Variants in PDE3A observed in about 807,000 individuals in gnomAD.
PDE3A encodes the protein phosphodiesterase 3A.
PDE3A carries 43 observed loss-of-function variants against 98.3 expected under a neutral mutation model. The ratio of observed to expected loss-of-function variants is 0.44; its 90% CI spans 0.34 to 0.56. The LOEUF is 0.56. Ranked by LOEUF, PDE3A falls within the 20% of genes least tolerant of loss-of-function variation. PDE3A has a pLI of 0.01. For missense variants in PDE3A, 1,427 were observed against 1,440.7 expected (o/e 0.99, Z 0.15); for synonymous variants, 663 against 567.9 (o/e 1.17, Z -2.38).
At chr12:20,488,620 C>T (rs1455890992) in intron 1 of PDE3A, among the ~76,000 whole-genome samples, 1 of 151,964 alleles carries the variant, frequency 6.6e-6, no homozygotes, top group African/African-American at 2.4e-5. Flanking sequence ...ATCCCTTGAA[C>T]CCAGGAGTTC....
Position 20,646,601 on chromosome 12 carries a change from C to T in PDE3A, c.2363C>T (p.Ser788Leu). The T allele has an allele frequency of 1.3e-6, 2 of 1,553,260 alleles. No individual in the cohort carries two copies. The highest frequency in any genetic ancestry group is 1.8e-6 in the Non-Finnish European group (2 of 1,124,776). ...AATGATCATGGTTCAACCAGTGATT[C>T]AGGTATGTACGAAGTGAATCTGCAC... ...VINDHGSTSDSDSDSGFTHGH... is the reference protein window; with the variant it reads ...VINDHGSTSDLDSDSGFTHGH... Residue 788 changes from serine to leucine, a missense_variant and splice_region_variant, in exon 11 of 16, where the codon TCA becomes TTA. Around this residue, in one of 3 missense-constraint regions of PDE3A, gnomAD observed 273 missense variants for 420.3 expected, o/e 0.65. Transcript: ENST00000359062.
chr12:20,445,053 A>G (rs1297385794), intron 1 of PDE3A, among the ~76,000 whole-genome samples: 1 of 152,222 alleles, frequency 6.6e-6, no homozygotes, highest in Non-Finnish European at 1.5e-5. Context: ...CGCCACTGCT[A>G]GTAAAATAAC....
intron 1 of PDE3A, among the ~76,000 whole-genome samples, chr12:20,407,991 C>T (rs1944263746): frequency 1.3e-5 from 2 of 152,064 alleles, no homozygotes; most frequent in South Asian, 4.1e-4. Context: ...TTGATCTTGG[C>T]TCACTGCAAC....
intron 1 of PDE3A, among the ~76,000 whole-genome samples, chr12:20,511,725 G>T (rs923823355): frequency 1.3e-5 from 2 of 152,048 alleles, no homozygotes; most frequent in Admixed American, 6.6e-5. Context: ...TACTCACAGT[G>T]GTTCCTTCCA....
intron 1 of PDE3A, among the ~76,000 whole-genome samples, chr12:20,407,154 C>G (rs1944247168): frequency 2.6e-5 from 4 of 152,122 alleles, no homozygotes; most frequent in Admixed American, 1.3e-4. Flanking sequence ...ATTACAGGCT[C>G]TGTGATCTAG....
intron 2 of PDE3A, among the ~76,000 whole-genome samples, chr12:20,608,860 T>C (rs1943778074): frequency 1.3e-5 from 2 of 152,050 alleles, no homozygotes; most frequent in South Asian, 4.1e-4. Context: ...GAGAATAAAC[T>C]TAATTTCATT....
intron 1 of PDE3A, among the ~76,000 whole-genome samples, chr12:20,465,276 T>C (rs1319485680): frequency 6.6e-6 from 1 of 152,204 alleles, no homozygotes; most frequent in Non-Finnish European, 1.5e-5. Context: ...TTGGTTCATA[T>C]TACGTTGTTG....
Position 20,684,539 on chromosome 12 carries a change from T to C in PDE3A, c.*4268T>C, listed in dbSNP as rs1945898861. 6.6e-6 allele frequency among the ~76,000 whole-genome samples: 1 copy of C among 152,206 alleles called. No homozygotes were observed. Among genetic ancestry groups the C allele is most frequent in the Non-Finnish European group, 1.5e-5 (1 of 68,024 alleles). On this transcript the variant is annotated 3_prime_UTR_variant, in exon 16 of 16. Transcript: ENST00000359062. ...AGATAATTGAAAGCTAAAATATCTA[T>C]GTACTTTGAAGCCAAACTGAGTTTA...
intron 2 of PDE3A, among the ~76,000 whole-genome samples, chr12:20,595,247 G>A (rs1242400433): frequency 6.6e-6 from 1 of 151,938 alleles, no homozygotes; most frequent in Non-Finnish European, 1.5e-5. Context: ...ATCCAAAAAT[G>A]GCTGCTGGCA....
chr12:20,518,567 A>G (rs201427838), intron 1 of PDE3A, among the ~76,000 whole-genome samples: 1 of 592 alleles, frequency 1.7e-3, no homozygotes, highest in East Asian at 0.5. Flanking sequence ...TTCTGTCATT[A>G]AAAAAAAAGC....
chr12:20,546,105 C>T (rs578108438), intron 1 of PDE3A, among the ~76,000 whole-genome samples: 9 of 151,960 alleles, frequency 5.9e-5, no homozygotes, highest in African/African-American at 9.6e-5. Flanking sequence ...GATATGCAGG[C>T]GGTTCCTGCC....
At chr12:20,452,532 A>T (rs772210705) in intron 1 of PDE3A, among the ~76,000 whole-genome samples, 8 of 152,190 alleles carry the variant, frequency 5.3e-5, no homozygotes, top group Non-Finnish European at 1.0e-4. Flanking sequence ...TTGGTAAAAC[A>T]AGTTTGGGAA....
chr12:20,505,339 A>G (rs946452847), intron 1 of PDE3A, among the ~76,000 whole-genome samples: 1 of 152,016 alleles, frequency 6.6e-6, no homozygotes, highest in Non-Finnish European at 1.5e-5. Context: ...TGTTTTTGTC[A>G]CTGTACCTCA....
chr12:20,616,449 A>T (rs1271834563), intron 4 of PDE3A, 65 bp downstream of exon 4: 26 of 1,493,736 alleles, frequency 1.7e-5, no homozygotes, highest in Non-Finnish European at 2.2e-5. Flanking sequence ...ATGAGTTATA[A>T]ATTACAGGAG....
chr12:20,413,953 T>C (rs373354145), intron 1 of PDE3A, among the ~76,000 whole-genome samples: 1 of 152,062 alleles, frequency 6.6e-6, no homozygotes, highest in African/African-American at 2.4e-5. Context: ...CGATTTGATT[T>C]TAAGAGGTGA....
intron 1 of PDE3A, among the ~76,000 whole-genome samples, chr12:20,400,379 GTTTTTTTTTTTT>G (rs75851941): frequency 6.3e-4 from 69 of 110,230 alleles, no homozygotes; most frequent in African/African-American, 1.7e-3. Context: ...GTTAACATTG[GTTTTTTTTTTTT>G]TTTTTTTTTT....
intron 4 of PDE3A, among the ~76,000 whole-genome samples, chr12:20,617,389 T>C (rs1944031416): frequency 1.3e-5 from 2 of 152,286 alleles, no homozygotes; most frequent in Admixed American, 6.5e-5. Context: ...TCAAATGTCA[T>C]TGTATATTTT....
intron 2 of PDE3A, 198 bp downstream of exon 2, chr12:20,556,908 G>C (rs1327387260): frequency 1.6e-6 from 1 of 619,960 alleles, no homozygotes; most frequent in East Asian, 2.9e-5. Context: ...TTCCTTCTAA[G>C]AGCTTTCTGG....
chr12:20,382,574 A>G (rs999367468), intron 1 of PDE3A, among the ~76,000 whole-genome samples: 3 of 151,950 alleles, frequency 2.0e-5, no homozygotes, highest in African/African-American at 7.2e-5. Context: ...GGCTGTTTTA[A>G]AGGCTAAATC....
Sources: gnomAD v4.1 joint callset for allele counts (sites outside exome capture counted in the v4.1 genomes callset) on GRCh38, gnomAD v4.1.1 for gene constraint, gnomAD v4.1.1 regional missense constraint, MANE v1.5 for transcripts, NCBI Gene and HGNC (gene_info 2026-07-23, HGNC 2026-07-21) for gene names.